RELN: variants seen among roughly 807,000 people sequenced by gnomAD.
RELN encodes reelin.
Under a neutral mutation model 427.6 loss-of-function variants are expected in RELN, and 108 were observed. The observed-to-expected ratio is 0.25, with a 90% CI of 0.22 to 0.30. RELN has a LOEUF of 0.30. Among genes scored for constraint, RELN ranks in the 10% least tolerant of loss-of-function variants. The pLI, the probability that RELN is intolerant of heterozygous loss-of-function variation, is 1.00. For missense variants in RELN, 3,715 were observed against 4,302.8 expected (o/e 0.86, Z 3.82); for synonymous variants, 1,524 against 1,513.4 (o/e 1.01, Z -0.16).
chr7:103,627,395 A>G (rs995776121), intron 20 of RELN, among the ~76,000 whole-genome samples: 23 of 152,146 alleles, frequency 1.5e-4, no homozygotes, highest in African/African-American at 4.8e-4. Flanking sequence ...AACATCCCCA[A>G]GGTGAATTCA....
intron 6 of RELN, among the ~76,000 whole-genome samples, chr7:103,744,543 G>C (rs1342578512): frequency 6.6e-6 from 1 of 152,054 alleles, no homozygotes; most frequent in East Asian, 1.9e-4. Context: ...AGAAAAGAGA[G>C]AAGAATCAAA....
chr7:103,601,051 A>T (rs1335590849), intron 24 of RELN, among the ~76,000 whole-genome samples: 1 of 152,194 alleles, frequency 6.6e-6, no homozygotes, highest in African/African-American at 2.4e-5. Context: ...AGTCTGTCTG[A>T]CTTCAGAGAT....
At chr7:103,856,569 CA>C (rs34695080) in intron 2 of RELN, among the ~76,000 whole-genome samples, 13,414 of 80,306 alleles carry the variant, frequency 0.17, 537 homozygotes, top group East Asian at 0.28. Flanking sequence ...AACTCCACCT[CA>C]AAAAAAAAAA....
At chr7:103,969,792 C>A (rs189885675) in intron 1 of RELN, among the ~76,000 whole-genome samples, 12 of 152,254 alleles carry the variant, frequency 7.9e-5, no homozygotes, top group Admixed American at 3.9e-4. Context: ...TACTATGGAC[C>A]AAACATATAT....
At chr7:103,897,003 T>C (rs1242896368) in intron 2 of RELN, among the ~76,000 whole-genome samples, 1 of 152,018 alleles carries the variant, frequency 6.6e-6, no homozygotes, top group Non-Finnish European at 1.5e-5. Flanking sequence ...AGCAAAGGTA[T>C]GTCTTACACG....
chr7:103,734,218 G>C (rs1428844175), intron 6 of RELN, among the ~76,000 whole-genome samples: 2 of 152,176 alleles, frequency 1.3e-5, no homozygotes, highest in African/African-American at 4.8e-5. Context: ...ATTCTTCAGA[G>C]ATTTGTGGGA....
rs1319945514 is a variant in RELN, at chr7:103,604,425, C to T, written c.3067G>A (p.Ala1023Thr). Residue 1023 changes from alanine (A) to threonine (T), a missense_variant, in exon 23 of 65, where the codon GCT becomes ACT. Around this residue, in one of 4 missense-constraint regions of RELN, gnomAD observed 2,208 missense variants for 2,361.7 expected, o/e 0.93. Coordinates refer to ENST00000428762, the MANE Select transcript of RELN (RefSeq NM_005045.4). ...TGCCCAATGTAAATGCTGTCCAAAG[C>T]CCACTCGTCTTGAGCTGTGTAATAG... ...QSYYTAQDEW[A>T]LDSIYIGQQC... The T allele has an allele frequency of 6.2e-7, 1 of 1,613,912 alleles. No individual in the cohort carries two copies. Among genetic ancestry groups the T allele is most frequent in the South Asian group, 1.1e-5 (1 of 91,076 alleles).
At chr7:103,530,667 C>T (rs952718349) in intron 46 of RELN, among the ~76,000 whole-genome samples, 1 of 152,114 alleles carries the variant, frequency 6.6e-6, no homozygotes, top group African/African-American at 2.4e-5. Flanking sequence ...TCATGTGCTT[C>T]CCCTAGGCCC....
At chr7:103,900,808 C>G (rs10230894) in intron 2 of RELN, among the ~76,000 whole-genome samples, 19,551 of 151,844 alleles carry the variant, frequency 0.13, 1,587 homozygotes, top group East Asian at 0.32. Context: ...ACTGAAGCTG[C>G]ACCCCTTCCT....
chr7:103,977,183 C>T (rs146051659), intron 1 of RELN, among the ~76,000 whole-genome samples: 2,706 of 151,592 alleles, frequency 0.018, 28 homozygotes, highest in Non-Finnish European at 0.026. Flanking sequence ...TGGTGGTGTG[C>T]GCCTGTAATC....
intron 2 of RELN, among the ~76,000 whole-genome samples, chr7:103,857,135 T>C (rs918734718): frequency 2.0e-5 from 3 of 152,170 alleles, no homozygotes; most frequent in Non-Finnish European, 2.9e-5. Context: ...GCTTATATCA[T>C]CTGCTCATAT....
intron 6 of RELN, among the ~76,000 whole-genome samples, chr7:103,737,844 A>T (rs948038715): frequency 6.6e-6 from 1 of 152,128 alleles, no homozygotes; most frequent in Admixed American, 6.5e-5. Flanking sequence ...TGCAATGCCA[A>T]TCATGGCTTT....
chr7:103,498,016 C>G (rs982027994), intron 54 of RELN, 61 bp downstream of exon 54: 2 of 1,603,252 alleles, frequency 1.2e-6, no homozygotes, highest in African/African-American at 2.7e-5. Flanking sequence ...TACAAGTGTT[C>G]CTTGCTTTGG....
At chr7:103,542,325 T>C (rs956214604) in intron 43 of RELN, among the ~76,000 whole-genome samples, 1 of 152,246 alleles carries the variant, frequency 6.6e-6, no homozygotes, top group Admixed American at 6.5e-5. Flanking sequence ...GCATTTCAAC[T>C]AAGCTTTCTA....
chr7:103,480,265 A>G (rs1828186469), intron 63 of RELN, among the ~76,000 whole-genome samples: 1 of 152,180 alleles, frequency 6.6e-6, no homozygotes. Flanking sequence ...CAAAGTTATA[A>G]TTAAGAATAT....
At chr7:103,630,379 C>T (rs1471322783) in intron 19 of RELN, among the ~76,000 whole-genome samples, 1 of 152,106 alleles carries the variant, frequency 6.6e-6, no homozygotes, top group Non-Finnish European at 1.5e-5. Flanking sequence ...TTTGCTTTCA[C>T]TCATCTGCTT....
chr7:103,935,934 G>C (rs567966368), intron 1 of RELN, among the ~76,000 whole-genome samples: 1 of 152,184 alleles, frequency 6.6e-6, no homozygotes, highest in African/African-American at 2.4e-5. Flanking sequence ...CCCAAGGACT[G>C]TAATCACCTT....
intron 1 of RELN, among the ~76,000 whole-genome samples, chr7:103,959,574 T>C (rs1796504518): frequency 6.6e-6 from 1 of 152,110 alleles, no homozygotes; most frequent in South Asian, 2.1e-4. Context: ...GTTGCTCAAG[T>C]CAGAACTCTT....
At chr7:103,684,148 T>G (rs559040866) in intron 10 of RELN, among the ~76,000 whole-genome samples, 62 of 152,294 alleles carry the variant, frequency 4.1e-4, no homozygotes, top group Non-Finnish European at 8.2e-4. Context: ...TCCATTTCTT[T>G]CTAAGGAGTT....
Sources: allele counts gnomAD v4.1 joint callset (sites outside exome capture counted in the v4.1 genomes callset), GRCh38; gene constraint gnomAD v4.1.1; regional missense constraint gnomAD v4.1.1; transcripts MANE v1.5; gene names NCBI Gene and HGNC (gene_info 2026-07-23, HGNC 2026-07-21).